Variants in FOXP1 observed in about 807,000 individuals in gnomAD.
The protein encoded by FOXP1 is forkhead box P1.
A neutral mutation model predicts 98.2 loss-of-function variants in FOXP1; 15 were observed. The observed-to-expected ratio is 0.15, with a 90% CI of 0.10 to 0.24. The LOEUF is 0.24. Among genes scored for constraint, FOXP1 ranks in the 10% least tolerant of loss-of-function variants. The probability of loss-of-function intolerance (pLI) is 1.00; values close to 1 mark genes in which losing one functional copy is unlikely to be tolerated. For missense variants in FOXP1, 633 were observed against 848.5 expected (o/e 0.75, Z 3.15); for synonymous variants, 371 against 314.5 (o/e 1.18, Z -1.90).
chr3:71,442,967 C>T (rs917762087), intron 3 of FOXP1, among the ~76,000 whole-genome samples: 15 of 152,188 alleles, frequency 9.9e-5, no homozygotes, highest in African/African-American at 3.4e-4. Context: ...TCTCAGCTAA[C>T]TGCAACCTCT....
chr3:71,160,679 A>G (rs73838199), intron 6 of FOXP1, among the ~76,000 whole-genome samples: 122 of 152,358 alleles, frequency 8.0e-4, no homozygotes, highest in African/African-American at 2.7e-3. Context: ...TACATTGGCT[A>G]GTGGTTACCT....
chr3:71,444,141 T>C (rs2086197275), intron 3 of FOXP1, among the ~76,000 whole-genome samples: 1 of 152,218 alleles, frequency 6.6e-6, no homozygotes, highest in African/African-American at 2.4e-5. Flanking sequence ...ACGAACAGAC[T>C]GGCCTGCGCC....
At chr3:71,351,148 C>T (rs1185703515) in intron 4 of FOXP1, among the ~76,000 whole-genome samples, 2 of 152,156 alleles carry the variant, frequency 1.3e-5, no homozygotes, top group Non-Finnish European at 2.9e-5. Context: ...AACAGGGAAT[C>T]GCCTCCGTGA....
At chr3:71,575,861 G>C (rs1218646528) in intron 2 of FOXP1, among the ~76,000 whole-genome samples, 1 of 152,254 alleles carries the variant, frequency 6.6e-6, no homozygotes, top group Non-Finnish European at 1.5e-5. Flanking sequence ...GCACAGCTGG[G>C]AGGGAGAAAG....
intron 3 of FOXP1, among the ~76,000 whole-genome samples, chr3:71,456,394 T>C (rs2087506196): frequency 6.6e-6 from 1 of 152,188 alleles, no homozygotes; most frequent in South Asian, 2.1e-4. Context: ...CCGGGTTTTC[T>C]TGTACATCTC....
At chr3:71,154,498 C>G (rs1560032209) in intron 6 of FOXP1, among the ~76,000 whole-genome samples, 1 of 152,172 alleles carries the variant, frequency 6.6e-6, no homozygotes, top group Non-Finnish European at 1.5e-5. Context: ...ACTGTCAAAT[C>G]ACAAGAATAG....
At chr3:71,569,821 C>T (rs1433315369) in intron 2 of FOXP1, among the ~76,000 whole-genome samples, 14 of 150,092 alleles carry the variant, frequency 9.3e-5, no homozygotes, top group Admixed American at 2.0e-4. Flanking sequence ...CTCGCTCTGT[C>T]GCCCAGGCTG....
chr3:71,569,668 G>A (rs2047181704), intron 2 of FOXP1, among the ~76,000 whole-genome samples: 1 of 151,888 alleles, frequency 6.6e-6, no homozygotes, highest in Non-Finnish European at 1.5e-5. Flanking sequence ...TAGAGAGAGA[G>A]AAAGACACAT....
intron 14 of FOXP1, among the ~76,000 whole-genome samples, chr3:70,984,785 A>G (rs190648903): frequency 1.7e-3 from 254 of 152,154 alleles, no homozygotes; most frequent in Non-Finnish European, 3.0e-3. Context: ...CTCCTGCCCC[A>G]GTTCACCCAT....
chr3:71,015,899 G>T (rs1383945639), intron 11 of FOXP1, among the ~76,000 whole-genome samples: 1 of 152,198 alleles, frequency 6.6e-6, no homozygotes, highest in Non-Finnish European at 1.5e-5. Flanking sequence ...AAAAGTGTTT[G>T]ACAGGCTTTT....
At chr3:71,265,607 G>C (rs1389109707) in intron 5 of FOXP1, among the ~76,000 whole-genome samples, 1 of 152,318 alleles carries the variant, frequency 6.6e-6, no homozygotes, top group South Asian at 2.1e-4. Context: ...CACACACACA[G>C]AGGCAGAGAA....
chr3:71,291,840 G>T (rs1242370599), intron 5 of FOXP1, among the ~76,000 whole-genome samples: 1 of 151,248 alleles, frequency 6.6e-6, no homozygotes, highest in Non-Finnish European at 1.5e-5. Flanking sequence ...CCACGTAGCT[G>T]GGACTACAGG....
chr3:71,182,054 A>G (rs199939663), intron 6 of FOXP1, among the ~76,000 whole-genome samples: 1 of 142,466 alleles, frequency 7.0e-6, no homozygotes, highest in Non-Finnish European at 1.5e-5. Context: ...AAAAAAAAGA[A>G]AAAAAAAGAA....
At chr3:71,017,791 A>T (rs1320075831) in intron 11 of FOXP1, among the ~76,000 whole-genome samples, 2 of 152,312 alleles carry the variant, frequency 1.3e-5, no homozygotes, top group South Asian at 2.1e-4. Context: ...AAACATGCCA[A>T]TATTATCACA....
intron 2 of FOXP1, among the ~76,000 whole-genome samples, chr3:71,562,945 T>C (rs2046646988): frequency 6.6e-6 from 1 of 152,202 alleles, no homozygotes; most frequent in African/African-American, 2.4e-5. Flanking sequence ...CCTGTTCTCA[T>C]CCCTTCCTTT....
At chr3:71,050,556 A>G (rs1020220925) in intron 9 of FOXP1, among the ~76,000 whole-genome samples, 10 of 152,246 alleles carry the variant, frequency 6.6e-5, no homozygotes, top group African/African-American at 2.2e-4. Flanking sequence ...GAGAAACTCC[A>G]TAATTCTTAT....
intron 13 of FOXP1, among the ~76,000 whole-genome samples, chr3:70,988,778 C>A (rs2040152904): frequency 6.6e-6 from 1 of 152,218 alleles, no homozygotes; most frequent in South Asian, 2.1e-4. Context: ...GAAGCTACAT[C>A]CTTTATGCTT....
Position 71,374,685 on chromosome 3 carries a change from G to C in FOXP1, c.-167-15441C>G, listed in dbSNP as rs544375361. 7.9e-5 allele frequency among the ~76,000 whole-genome samples: 12 copies of C among 152,286 alleles called. 1 individual carries two copies. The highest frequency in any genetic ancestry group is 3.9e-4 in the East Asian group (2 of 5,188). The stretch of plus-strand genomic sequence containing the variant: ...GCTATTGGAGGTAGCAAAAAGGTGA[G>C]AAATAATTATTGTGCAAGTATCCAA... On this transcript the variant is annotated intron_variant, in intron 3 of 20. Coordinates refer to ENST00000649528, the MANE Select transcript of FOXP1 (RefSeq NM_001349338.3).
At chr3:71,082,851 C>T (rs1041557759) in intron 7 of FOXP1, among the ~76,000 whole-genome samples, 4 of 152,218 alleles carry the variant, frequency 2.6e-5, no homozygotes, top group Admixed American at 2.0e-4. Flanking sequence ...GTGATTTTTC[C>T]GCTAACCAGC....
Sources: allele counts gnomAD v4.1 joint callset (sites outside exome capture counted in the v4.1 genomes callset), GRCh38; gene constraint gnomAD v4.1.1; transcripts MANE v1.5; gene names NCBI Gene and HGNC (gene_info 2026-07-23, HGNC 2026-07-21).